The following PIK3R3 variants were observed in gnomAD, a reference collection of about 807,000 sequenced individuals.
The protein encoded by PIK3R3 is phosphoinositide-3-kinase regulatory subunit 3.
Under a neutral mutation model 62.9 loss-of-function variants are expected in PIK3R3, and 64 were observed. The observed-to-expected ratio is 1.02, with a 90% CI of 0.83 to 1.25. The LOEUF (loss-of-function observed/expected upper bound fraction) is 1.25, where lower values mean the gene tolerates loss of function less well. Among genes scored for constraint, PIK3R3 ranks in the 50% most tolerant of loss-of-function variants. PIK3R3 has a pLI of 0.00. For synonymous variants in PIK3R3, 165 were observed against 189.0 expected (o/e 0.87, Z 1.04); for missense variants, 614 against 561.6 (o/e 1.09, Z -0.94).
chr1:46,138,663 C>T, the PIK3R3 span, among the ~76,000 whole-genome samples: 6 of 152,196 alleles, frequency 3.9e-5, no homozygotes, highest in African/African-American at 1.2e-4. Context: ...GTCTCAAAAA[C>T]AAAGTCCTGC....
chr1:46,059,958 G>A (rs1489493789), intron 6 of PIK3R3, among the ~76,000 whole-genome samples: 1 of 151,650 alleles, frequency 6.6e-6, no homozygotes, highest in African/African-American at 2.4e-5. Flanking sequence ...AAATCAGCCG[G>A]GTGTGGTGGC....
the PIK3R3 span, among the ~76,000 whole-genome samples, chr1:46,165,293 A>ATTC: frequency 2.1e-5 from 3 of 139,536 alleles, no homozygotes; most frequent in Non-Finnish European, 3.1e-5. Context: ...AGGTATTTCT[A>ATTC]TTCTTCTTCT....
At chr1:46,101,703 A>G (rs1326959780) in intron 1 of PIK3R3, among the ~76,000 whole-genome samples, 1 of 152,262 alleles carries the variant, frequency 6.6e-6, no homozygotes, top group Non-Finnish European at 1.5e-5. Context: ...CAAATATTGT[A>G]TGATTCAATT....
chr1:46,046,975 T>TAAGG (rs2149374138), intron 7 of PIK3R3: 1 of 282,622 alleles, frequency 3.5e-6, no homozygotes, highest in East Asian at 7.8e-5. Context: ...TGGTGTCACA[T>TAAGG]TTGCAATCTC....
the PIK3R3 span, among the ~76,000 whole-genome samples, chr1:46,161,671 G>A: frequency 6.6e-6 from 1 of 151,442 alleles, no homozygotes; most frequent in Admixed American, 6.6e-5. Flanking sequence ...GGAGTTTGAG[G>A]CTATAATGTG....
Position 46,066,846 on chromosome 1 carries a change from A to G in PIK3R3, c.495+65T>C, listed in dbSNP as rs28730696. The stretch of plus-strand genomic sequence containing the variant: ...TTTAAAACTGATAAGCCTGGTAAAT[A>G]AAATCAAATAAGGCTGTTAAATAAT... On this transcript the variant is annotated intron_variant, in intron 4 of 9. Coordinates refer to ENST00000262741, the MANE Select transcript of PIK3R3 (RefSeq NM_003629.4). 5.0e-4 allele frequency: 624 copies of G among 1,251,740 alleles called. 3 individuals carry two copies. In the East Asian group the frequency reaches 0.014, roughly 27 times the overall value. 77.5% of individuals were successfully genotyped at this position (1,251,740 alleles called of 1,614,324 possible).
In PIK3R3 at chr1:46,131,890, G is replaced by A. The variant is rs1442115791; in HGVS notation, c.63C>T (p.Pro21=). The A allele has an allele frequency of 4.3e-6, 7 of 1,612,986 alleles. No individual in the cohort carries two copies. Among genetic ancestry groups the A allele is most frequent in the Admixed American group, 1.7e-5 (1 of 59,972 alleles). ...DDADWREVMM[P]YSTELIFYIE... is the part of the protein sequence containing the mutation. Reference sequence around the variant, plus strand: ...TATAAAATATCAGTTCTGTCGAATAGGGCATCATCACCTCCCTCCAGTCTG... The same window carrying A: ...TATAAAATATCAGTTCTGTCGAATAAGGCATCATCACCTCCCTCCAGTCTG... The change falls in exon 1 of 10, where the codon CCC becomes CCT. Residue 21 remains proline, a synonymous_variant. Coordinates refer to ENST00000262741, the MANE Select transcript of PIK3R3 (RefSeq NM_003629.4).
Position 46,040,870 on chromosome 1 carries a change from G to A in PIK3R3, c.*2803C>T, listed in dbSNP as rs898646358. On this transcript the variant is annotated 3_prime_UTR_variant, in exon 10 of 10. Coordinates refer to ENST00000262741, the MANE Select transcript of PIK3R3 (RefSeq NM_003629.4). Reference sequence around the variant, plus strand: ...CAGATCAGTGGTAAGGACGCAGGCAGTCTATCCAGGCCCGAATCATGGCGT... The same window carrying A: ...CAGATCAGTGGTAAGGACGCAGGCAATCTATCCAGGCCCGAATCATGGCGT... The A allele has an allele frequency of 3.3e-5, 6 of 179,674 alleles. No individual in the cohort carries two copies. Among genetic ancestry groups the A allele is most frequent in the Non-Finnish European group, 6.0e-5 (5 of 83,970 alleles). The allele number at this position is 179,674 out of a possible 1,614,324, so 11.1% of individuals were successfully genotyped here.
At chr1:46,056,049 AT>A in intron 6 of PIK3R3, 78 bp from the exon 7 acceptor site, 1 of 905,662 alleles carries the variant, frequency 1.1e-6, no homozygotes, top group Non-Finnish European at 1.6e-6. Flanking sequence ...CGGTCCTAAT[AT>A]CCTTTTTTTT....
At chr1:46,094,570 AT>A (rs1651938945) in intron 1 of PIK3R3, among the ~76,000 whole-genome samples, 1 of 152,214 alleles carries the variant, frequency 6.6e-6, no homozygotes, top group South Asian at 2.1e-4. Flanking sequence ...ATTAAACAAA[AT>A]TTCCCCCCAG....
intron 1 of PIK3R3, among the ~76,000 whole-genome samples, chr1:46,082,331 A>T (rs1034012678): frequency 6.6e-6 from 1 of 152,190 alleles, no homozygotes; most frequent in Admixed American, 6.5e-5. Flanking sequence ...AATCTTCAAC[A>T]ATGTACAGGT....
intron 1 of PIK3R3, among the ~76,000 whole-genome samples, chr1:46,096,513 T>C (rs1226908082): frequency 6.6e-6 from 1 of 152,238 alleles, no homozygotes; most frequent in African/African-American, 2.4e-5. Flanking sequence ...ACAGGTAAGC[T>C]AAATTAAATT....
chr1:46,126,689 G>A (rs373146445), intron 1 of PIK3R3, among the ~76,000 whole-genome samples: 1 of 151,464 alleles, frequency 6.6e-6, no homozygotes, highest in Admixed American at 6.6e-5. Context: ...GCATGGTGGC[G>A]CAGAGGGATG....
At chr1:46,057,822 T>C (rs1360659844) in intron 6 of PIK3R3, among the ~76,000 whole-genome samples, 1 of 152,078 alleles carries the variant, frequency 6.6e-6, no homozygotes, top group Admixed American at 6.5e-5. Flanking sequence ...GTTTGAAAAA[T>C]TTGCAGCCTG....
At chr1:46,048,050 G>C (rs1214707294) in intron 7 of PIK3R3, 1 of 152,144 alleles carries the variant, frequency 6.6e-6, no homozygotes, top group Admixed American at 6.6e-5. Flanking sequence ...CAAAGTGCTG[G>C]GATTACAGGC....
chr1:46,088,879 G>GA (rs74354949), intron 1 of PIK3R3, among the ~76,000 whole-genome samples: 206 of 132,052 alleles, frequency 1.6e-3, no homozygotes, highest in Admixed American at 3.4e-3. Context: ...ATCACAAGGG[G>GA]AAAAAAAAAA....
In PIK3R3 at chr1:46,132,451, A is replaced by C; in HGVS notation, c.-499T>G. 1 of 1,190,790 alleles carries C rather than the reference A, an allele frequency of 8.4e-7. No homozygotes were observed. The highest frequency in any genetic ancestry group is 1.1e-6 in the Non-Finnish European group (1 of 942,978). 73.8% of individuals were successfully genotyped at this position (1,190,790 alleles called of 1,614,324 possible). ...GTTTCGGGGTCCCACTGGTCTGCAG[A>C]GAGCGAATCCCCCAGAGGCCGGGAC... On this transcript the variant is annotated 5_prime_UTR_variant, in exon 1 of 10. Transcript: ENST00000262741.
the PIK3R3 span, among the ~76,000 whole-genome samples, chr1:46,149,680 A>G: frequency 1.3e-5 from 2 of 151,838 alleles, no homozygotes; most frequent in African/African-American, 2.4e-5. Context: ...ACAGGCATGC[A>G]CCACCACACC....
At chr1:46,071,422 G>A (rs1429414596) in intron 3 of PIK3R3, among the ~76,000 whole-genome samples, 3 of 151,610 alleles carry the variant, frequency 2.0e-5, no homozygotes, top group Non-Finnish European at 2.9e-5. Flanking sequence ...ATCTATCCCC[G>A]CGGTAGCTCA....
Sources: allele counts gnomAD v4.1 joint callset (sites outside exome capture counted in the v4.1 genomes callset), GRCh38; gene constraint gnomAD v4.1.1; transcripts MANE v1.5; gene names NCBI Gene and HGNC (gene_info 2026-07-23, HGNC 2026-07-21).